TBC1D14: variants seen among roughly 807,000 people sequenced by gnomAD.
TBC1D14 encodes TBC1 domain family member 14, also known as TBC1 domain family, member 14.
In TBC1D14, 26 loss-of-function variants were observed where a neutral mutation model predicts 79.0. That is an observed-to-expected ratio of 0.33 (90% CI 0.24 to 0.46). TBC1D14 has a LOEUF of 0.46. Ranked by LOEUF, TBC1D14 falls within the 20% of genes least tolerant of loss-of-function variation. The probability of loss-of-function intolerance (pLI) is 1.00; values close to 1 mark genes in which losing one functional copy is unlikely to be tolerated. For missense variants in TBC1D14, 769 were observed against 887.6 expected (o/e 0.87, Z 1.70); for synonymous variants, 394 against 349.9 (o/e 1.13, Z -1.40).
intron 5 of TBC1D14, among the ~76,000 whole-genome samples, chr4:6,998,460 TC>T (rs1228268018): frequency 2.0e-5 from 3 of 152,082 alleles, no homozygotes; most frequent in African/African-American, 7.2e-5. Flanking sequence ...CTTCCAGAGT[TC>T]CAGTAACGTT....
At chr4:7,005,875 C>G (rs1015858032) in intron 8 of TBC1D14, among the ~76,000 whole-genome samples, 1 of 152,142 alleles carries the variant, frequency 6.6e-6, no homozygotes, top group Non-Finnish European at 1.5e-5. Flanking sequence ...TTTACAGAGA[C>G]AAGAACACTG....
chr4:6,943,007 T>G (rs1401557655), intron 2 of TBC1D14, among the ~76,000 whole-genome samples: 2 of 152,166 alleles, frequency 1.3e-5, no homozygotes, highest in Admixed American at 1.3e-4. Context: ...GAAATATACA[T>G]AAAGCTTCAA....
intron 6 of TBC1D14, among the ~76,000 whole-genome samples, chr4:6,999,622 G>A (rs1719450559): frequency 6.6e-6 from 1 of 152,066 alleles, no homozygotes; most frequent in Non-Finnish European, 1.5e-5. Context: ...CCCCCCATAG[G>A]TGTTGCTCCT....
intron 1 of TBC1D14, chr4:6,910,751 T>A (rs368687093): frequency 8.5e-5 from 13 of 152,382 alleles, no homozygotes; most frequent in African/African-American, 3.1e-4. Context: ...TGACCGCGCC[T>A]GACCAGGCCA....
intron 6 of TBC1D14, among the ~76,000 whole-genome samples, chr4:7,000,274 G>C (rs889379020): frequency 2.6e-5 from 4 of 152,112 alleles, no homozygotes; most frequent in Admixed American, 6.5e-5. Flanking sequence ...TGAATGCATT[G>C]CATGCAGACC....
chr4:6,910,312 C>T (rs1722870686), intron 1 of TBC1D14: 1 of 152,430 alleles, frequency 6.6e-6, no homozygotes, highest in Non-Finnish European at 1.5e-5. Context: ...TGCGCCAGAC[C>T]CCGACCCCGG....
intron 3 of TBC1D14, among the ~76,000 whole-genome samples, chr4:6,980,698 T>C (rs1349782765): frequency 6.6e-6 from 1 of 151,506 alleles, no homozygotes; most frequent in African/African-American, 2.4e-5. Context: ...AATAAGACAA[T>C]AGAATGTTAT....
chr4:6,910,232 C>T (rs1472957506), intron 1 of TBC1D14: 1 of 152,014 alleles, frequency 6.6e-6, no homozygotes, highest in Admixed American at 6.5e-5. Flanking sequence ...TGTCCCGCTC[C>T]TTTACGGAAC....
intron 1 of TBC1D14, among the ~76,000 whole-genome samples, chr4:6,920,489 G>T (rs1723763089): frequency 6.6e-6 from 1 of 152,074 alleles, no homozygotes; most frequent in African/African-American, 2.4e-5. Context: ...TGACACTGAG[G>T]CAGGCCAGGC....
At chr4:6,950,837 ATATT>A (rs1308291196) in intron 2 of TBC1D14, among the ~76,000 whole-genome samples, 2 of 152,216 alleles carry the variant, frequency 1.3e-5, no homozygotes, top group South Asian at 4.1e-4. Context: ...TTTACTGTCT[ATATT>A]TATAAGGGTA....
At chr4:6,966,647 A>G (rs1029734031) in intron 2 of TBC1D14, among the ~76,000 whole-genome samples, 1 of 152,220 alleles carries the variant, frequency 6.6e-6, no homozygotes, top group Non-Finnish European at 1.5e-5. Context: ...CTCAGAGGTT[A>G]ATATACTGGT....
intron 3 of TBC1D14, among the ~76,000 whole-genome samples, chr4:6,989,784 C>T (rs1196153681): frequency 6.6e-6 from 1 of 152,148 alleles, no homozygotes; most frequent in African/African-American, 2.4e-5. Context: ...GGGCTCTGCT[C>T]AGGCACCCTG....
intron 11 of TBC1D14, among the ~76,000 whole-genome samples, chr4:7,013,976 C>G (rs1397728078): frequency 6.6e-6 from 1 of 152,198 alleles, no homozygotes; most frequent in African/African-American, 2.4e-5. Flanking sequence ...GTCTCGATCT[C>G]CTGACCTCAT....
intron 1 of TBC1D14, among the ~76,000 whole-genome samples, chr4:6,913,482 T>A (rs1163773449): frequency 6.6e-6 from 1 of 152,206 alleles, no homozygotes; most frequent in Non-Finnish European, 1.5e-5. Context: ...GCAGGCCATG[T>A]ATGAGCTTTG....
At chr4:7,013,740 ATAC>A (rs1721005406) in intron 11 of TBC1D14, among the ~76,000 whole-genome samples, 2 of 93,020 alleles carry the variant, frequency 2.2e-5, no homozygotes, top group African/African-American at 9.5e-5. Context: ...GCTTTTCCAG[ATAC>A]TTTTTTTTTT....
chr4:7,001,548 C>A (rs1044303164), intron 7 of TBC1D14: 2 of 321,140 alleles, frequency 6.2e-6, no homozygotes, highest in East Asian at 6.5e-5. Flanking sequence ...GGAAGGCAAG[C>A]CTTGCCTGCG....
intron 11 of TBC1D14, among the ~76,000 whole-genome samples, chr4:7,013,657 G>A (rs1720994180): frequency 6.6e-6 from 1 of 152,176 alleles, no homozygotes; most frequent in Admixed American, 6.5e-5. Context: ...GTCAGCTGGA[G>A]GGGTGCTGCC....
intron 2 of TBC1D14, among the ~76,000 whole-genome samples, chr4:6,952,110 A>C (rs555595129): frequency 6.6e-6 from 1 of 152,318 alleles, no homozygotes; most frequent in South Asian, 2.1e-4. Flanking sequence ...GGTAGTGGGA[A>C]CCGATGAGAA....
chr4:6,994,095 A>T, intron 3 of TBC1D14, 89 bp from the exon 4 acceptor site: 2 of 1,169,324 alleles, frequency 1.7e-6, no homozygotes, highest in East Asian at 2.3e-5. Context: ...GGCTTAAAAG[A>T]GTTTCATGAC....
Sources: gnomAD v4.1 joint callset for allele counts (sites outside exome capture counted in the v4.1 genomes callset) on GRCh38, gnomAD v4.1.1 for gene constraint, MANE v1.5 for transcripts, NCBI Gene and HGNC (gene_info 2026-07-23, HGNC 2026-07-21) for gene names.